OPCML: variants seen among roughly 807,000 people sequenced by gnomAD.
The protein encoded by OPCML is opioid binding protein/cell adhesion molecule like.
A neutral mutation model predicts 37.8 loss-of-function variants in OPCML; 13 were observed. The observed-to-expected ratio is 0.34, with a 90% CI of 0.22 to 0.55. The LOEUF (loss-of-function observed/expected upper bound fraction) is 0.55, where lower values mean the gene tolerates loss of function less well. Ranked by LOEUF, OPCML falls within the 20% of genes least tolerant of loss-of-function variation. OPCML has a pLI of 0.91. For synonymous variants in OPCML, 176 were observed against 168.8 expected (o/e 1.04, Z -0.33); for missense variants, 341 against 435.6 (o/e 0.78, Z 1.93).
At chr11:133,317,017 G>A (rs1943218907) in intron 1 of OPCML, among the ~76,000 whole-genome samples, 1 of 152,156 alleles carries the variant, frequency 6.6e-6, no homozygotes, top group Admixed American at 6.5e-5. Flanking sequence ...GGCCAACATG[G>A]TGAAACCCCA....
intron 3 of OPCML, among the ~76,000 whole-genome samples, chr11:132,602,278 C>A (rs1258624371): frequency 6.6e-6 from 1 of 152,144 alleles, no homozygotes; most frequent in Non-Finnish European, 1.5e-5. Context: ...AAGGCAATTA[C>A]CATCGACACC....
intron 2 of OPCML, among the ~76,000 whole-genome samples, chr11:132,880,333 C>CT (rs1943179546): frequency 6.6e-6 from 1 of 152,232 alleles, no homozygotes; most frequent in Non-Finnish European, 1.5e-5. Flanking sequence ...TTGCTCCACT[C>CT]TGTCTGTGCC....
At chr11:132,469,546 GGTGT>G (rs1261442200) in intron 4 of OPCML, among the ~76,000 whole-genome samples, 21 of 146,648 alleles carry the variant, frequency 1.4e-4, no homozygotes, top group Non-Finnish European at 2.7e-4. Flanking sequence ...ATGTGTGTGG[GGTGT>G]GTGTGTGTAT....
intron 1 of OPCML, among the ~76,000 whole-genome samples, chr11:132,947,039 G>A (rs1005851222): frequency 6.6e-6 from 1 of 152,170 alleles, no homozygotes; most frequent in African/African-American, 2.4e-5. Flanking sequence ...GGGTCAGGCT[G>A]CCCCTCAAGG....
chr11:133,313,989 A>G (rs971735317), intron 1 of OPCML, among the ~76,000 whole-genome samples: 1 of 152,096 alleles, frequency 6.6e-6, no homozygotes, highest in Non-Finnish European at 1.5e-5. Context: ...TAATCCCAGC[A>G]CTTTGGGAGG....
In OPCML at chr11:132,741,911, C is replaced by T. The variant is rs530672931; in HGVS notation, c.147-84592G>A. Among the ~76,000 whole-genome samples the T allele has an allele frequency of 3.3e-5, 5 of 152,054 alleles. No individual in the cohort carries two copies. In the South Asian group the frequency reaches 1.0e-3, roughly 32 times the overall value. ...GGGCATGGTGGTGCATGCCTGTAATCCCAGCTACTCGGGAGGCTGAGGCAG... is the reference window on the plus strand; with the variant it reads ...GGGCATGGTGGTGCATGCCTGTAATTCCAGCTACTCGGGAGGCTGAGGCAG... On this transcript the variant is annotated intron_variant, in intron 2 of 7. Coordinates refer to ENST00000524381, the MANE Select transcript of OPCML (RefSeq NM_001012393.5).
intron 1 of OPCML, chr11:133,439,292 G>A: frequency 1.1e-6 from 1 of 879,934 alleles, no homozygotes; most frequent in Non-Finnish European, 1.4e-6. Flanking sequence ...AGTAAAAGAT[G>A]TTTTTTTTTT....
At chr11:133,406,252 A>C (rs1025043124) in intron 1 of OPCML, among the ~76,000 whole-genome samples, 5 of 152,172 alleles carry the variant, frequency 3.3e-5, no homozygotes, top group African/African-American at 1.2e-4. Flanking sequence ...GCTTTGGATA[A>C]GGATCTAAAT....
At chr11:132,496,321 C>T (rs1301001230) in intron 4 of OPCML, among the ~76,000 whole-genome samples, 1 of 152,194 alleles carries the variant, frequency 6.6e-6, no homozygotes, top group East Asian at 1.9e-4. Flanking sequence ...CATTTTATAG[C>T]ATGCTGGTAA....
intron 1 of OPCML, among the ~76,000 whole-genome samples, chr11:133,214,237 T>C (rs998505163): frequency 6.6e-6 from 1 of 152,198 alleles, no homozygotes; most frequent in Admixed American, 6.5e-5. Context: ...TAAATTCACA[T>C]TTTCAGATTT....
intron 2 of OPCML, among the ~76,000 whole-genome samples, chr11:132,782,333 T>C (rs1413911081): frequency 6.6e-6 from 1 of 152,034 alleles, no homozygotes; most frequent in Non-Finnish European, 1.5e-5. Context: ...GGCCCTGGCA[T>C]GGCACTGCAC....
At position 132,656,933 on chromosome 11, in the gene OPCML, C is replaced by T. The variant is rs370385197; in HGVS notation, c.379+154G>A. On this transcript the variant is annotated intron_variant, in intron 3 of 7. Transcript: ENST00000524381. ...TTCAGCACTTAGTTAAGTACCCATT[C>T]GATGGGAAACATTCCAAGACATATA... 1.2e-4 allele frequency among the ~76,000 whole-genome samples: 19 copies of T among 152,302 alleles called. No homozygotes were observed. The South Asian group carries it at 2.3e-3, about 18-fold the overall frequency.
intron 1 of OPCML, among the ~76,000 whole-genome samples, chr11:133,368,240 G>T (rs1592239629): frequency 1.7e-5 from 1 of 59,558 alleles, no homozygotes; most frequent in African/African-American, 1.4e-4. Flanking sequence ...GAAGGAAAAG[G>T]TGAGGTGGGG....
chr11:132,697,520 G>C (rs1289173535), intron 2 of OPCML, among the ~76,000 whole-genome samples: 2 of 152,106 alleles, frequency 1.3e-5, no homozygotes, highest in Admixed American at 6.6e-5. Flanking sequence ...ATATAAGTGA[G>C]ATCATGCAAA....
At chr11:132,786,742 A>G (rs1308805401) in intron 2 of OPCML, among the ~76,000 whole-genome samples, 1 of 152,216 alleles carries the variant, frequency 6.6e-6, no homozygotes, top group Non-Finnish European at 1.5e-5. Flanking sequence ...GTAGGCATTC[A>G]AACGATATCT....
At chr11:133,048,156 C>A (rs555948341) in intron 1 of OPCML, among the ~76,000 whole-genome samples, 25 of 152,238 alleles carry the variant, frequency 1.6e-4, no homozygotes, top group African/African-American at 6.0e-4. Flanking sequence ...CTAATACTTA[C>A]AAAAAACTTG....
chr11:133,244,658 C>T (rs1940856462), intron 1 of OPCML, among the ~76,000 whole-genome samples: 1 of 151,430 alleles, frequency 6.6e-6, no homozygotes, highest in African/African-American at 2.4e-5. Flanking sequence ...CTCGTGAGAT[C>T]TGACAATTTA....
At chr11:133,510,793 A>C (rs1030034274) in intron 1 of OPCML, among the ~76,000 whole-genome samples, 4 of 152,166 alleles carry the variant, frequency 2.6e-5, no homozygotes, top group African/African-American at 9.6e-5. Context: ...CCAGAGCTGC[A>C]TGTTGGACTC....
At chr11:132,570,763 A>ATATATG (rs2096435494) in intron 3 of OPCML, among the ~76,000 whole-genome samples, 1 of 83,758 alleles carries the variant, frequency 1.2e-5, no homozygotes, top group Non-Finnish European at 2.3e-5. Flanking sequence ...GAGTATATAT[A>ATATATG]TATATATATA....
Sources: allele counts gnomAD v4.1 joint callset (sites outside exome capture counted in the v4.1 genomes callset), GRCh38; gene constraint gnomAD v4.1.1; transcripts MANE v1.5; gene names NCBI Gene and HGNC (gene_info 2026-07-23, HGNC 2026-07-21).